The following HPD variants were observed in gnomAD, a reference collection of about 807,000 sequenced individuals.
HPD encodes 4-hydroxyphenylpyruvic acid oxidase.
In HPD, 35 loss-of-function variants were observed where a neutral mutation model predicts 56.9. The ratio of observed to expected loss-of-function variants is 0.62; its 90% CI spans 0.47 to 0.82. HPD has a LOEUF of 0.82. Ranked by LOEUF, HPD falls within the 40% of genes least tolerant of loss-of-function variation. The probability of loss-of-function intolerance (pLI) is 0.00; values close to 1 mark genes in which losing one functional copy is unlikely to be tolerated. For synonymous variants in HPD, 186 were observed against 200.2 expected (o/e 0.93, Z 0.60); for missense variants, 442 against 506.8 (o/e 0.87, Z 1.23).
At chr12:121,887,876 G>A in the HPD span, among the ~76,000 whole-genome samples, 1 of 152,166 alleles carries the variant, frequency 6.6e-6, no homozygotes, top group Non-Finnish European at 1.5e-5. Flanking sequence ...GGGCAAACAT[G>A]TTTGAATACT....
chr12:121,879,055 C>T, the HPD span, among the ~76,000 whole-genome samples: 11 of 151,364 alleles, frequency 7.3e-5, no homozygotes, highest in African/African-American at 1.7e-4. Flanking sequence ...GAGGCTGAGG[C>T]GGGTGTATCG....
upstream of HPD, among the ~76,000 whole-genome samples, chr12:121,860,755 C>T (rs563910348): frequency 6.6e-6 from 1 of 152,296 alleles, no homozygotes; most frequent in East Asian, 1.9e-4. Context: ...AAAGCATTCA[C>T]CTAGCTGGGC....
upstream of HPD, among the ~76,000 whole-genome samples, chr12:121,866,332 C>G (rs1878328103): frequency 6.7e-6 from 1 of 148,482 alleles, no homozygotes; most frequent in Non-Finnish European, 1.5e-5. Flanking sequence ...AATAAACTTT[C>G]TAGATGTTCT....
the HPD span, among the ~76,000 whole-genome samples, chr12:121,885,023 T>C: frequency 6.6e-6 from 1 of 152,070 alleles, no homozygotes; most frequent in Non-Finnish European, 1.5e-5. Flanking sequence ...CCCGAGTAGC[T>C]GGGATTACAG....
the HPD span, among the ~76,000 whole-genome samples, chr12:121,887,109 A>G: frequency 6.6e-6 from 1 of 152,168 alleles, no homozygotes; most frequent in Admixed American, 6.5e-5. Flanking sequence ...CATGTTGGCC[A>G]GGCTGGTCTT....
intron 4 of HPD, chr12:121,856,952 T>C (rs949288897): frequency 2.9e-5 from 15 of 510,154 alleles, no homozygotes; most frequent in Admixed American, 1.9e-4. Context: ...GGGTCAGTGT[T>C]GGGCCAGGCT....
intron 8 of HPD, 112 bp downstream of exon 8, chr12:121,849,575 A>C: frequency 1.3e-6 from 1 of 761,780 alleles, no homozygotes; most frequent in Non-Finnish European, 2.3e-6. Flanking sequence ...GGAATTCCCT[A>C]GCCGGCTCCA....
chr12:121,857,397 T>C lies in HPD; in HGVS notation c.129A>G (p.Glu43=). Reference sequence around the variant, plus strand: ...TCTCCAGGCCCCTGTAGGCTAGAGGTTCAAAGCCCATCTTGCTGCAGTAGA... The same window carrying C: ...TCTCCAGGCCCCTGTAGGCTAGAGGCTCAAAGCCCATCTTGCTGCAGTAGA... The part of the protein sequence containing the change: ...TSFYCSKMGF[E]PLAYRGLETG... Residue 43 remains glutamate, a synonymous_variant, in exon 4 of 14, where the codon GAA becomes GAG. Coordinates refer to ENST00000289004, the MANE Select transcript of HPD (RefSeq NM_002150.3). 1 of 1,613,862 alleles carries C rather than the reference T, an allele frequency of 6.2e-7. No homozygotes were observed. The highest frequency in any genetic ancestry group is 8.5e-7 in the Non-Finnish European group (1 of 1,179,862).
chr12:121,841,747 G>A (rs1433500488), intron 12 of HPD, among the ~76,000 whole-genome samples: 2 of 151,708 alleles, frequency 1.3e-5, no homozygotes, highest in East Asian at 3.9e-4. Flanking sequence ...GCAATGGCGC[G>A]ATCTCGGCTC....
intron 11 of HPD, among the ~76,000 whole-genome samples, chr12:121,845,793 G>A (rs1227001965): frequency 2.6e-5 from 4 of 152,006 alleles, no homozygotes; most frequent in African/African-American, 9.7e-5. Context: ...CTACCATCTA[G>A]CATTTATATT....
At chr12:121,845,471 G>C (rs1041633033) in intron 11 of HPD, among the ~76,000 whole-genome samples, 1 of 139,204 alleles carries the variant, frequency 7.2e-6, no homozygotes, top group Admixed American at 6.9e-5. Flanking sequence ...CGTGGTGGCG[G>C]GTGCCTGTAG....
At chr12:121,877,557 C>A in the HPD span, among the ~76,000 whole-genome samples, 1 of 151,898 alleles carries the variant, frequency 6.6e-6, no homozygotes. Context: ...CATGGTAAGA[C>A]CCCCATCTCT....
upstream of HPD, among the ~76,000 whole-genome samples, chr12:121,864,563 A>AT (rs1222046860): frequency 2.0e-5 from 3 of 146,560 alleles, no homozygotes; most frequent in African/African-American, 7.7e-5. Flanking sequence ...TTAAAAAAAA[A>AT]AAAAAAATGG....
intron 8 of HPD, 46 bp downstream of exon 8, chr12:121,849,641 A>C (rs1298183595): frequency 8.0e-7 from 1 of 1,246,736 alleles, no homozygotes; most frequent in Non-Finnish European, 1.2e-6. Context: ...TACTTTTCAC[A>C]GTCCCTCAGG....
At chr12:121,876,655 C>A in the HPD span, among the ~76,000 whole-genome samples, 2 of 152,120 alleles carry the variant, frequency 1.3e-5, no homozygotes, top group Non-Finnish European at 2.9e-5. Flanking sequence ...CATACGTCTC[C>A]CACCCTTCAG....
chr12:121,884,315 G>T, the HPD span, among the ~76,000 whole-genome samples: 1 of 151,714 alleles, frequency 6.6e-6, no homozygotes, highest in Non-Finnish European at 1.5e-5. Context: ...GGTGTGTGCC[G>T]CTGTGCCCGG....
At chr12:121,874,006 A>C in the HPD span, among the ~76,000 whole-genome samples, 4 of 152,008 alleles carry the variant, frequency 2.6e-5, no homozygotes, top group Non-Finnish European at 4.4e-5. Context: ...GCAAGAAAAA[A>C]ATCTTGCACC....
intron 9 of HPD, 72 bp from the exon 10 acceptor site, chr12:121,847,286 T>G: frequency 7.1e-7 from 1 of 1,410,854 alleles, no homozygotes; most frequent in Non-Finnish European, 1.0e-6. Context: ...CATTTCCACC[T>G]TCCAGAATCT....
At chr12:121,848,247 G>GT (rs1877650220) in intron 9 of HPD, among the ~76,000 whole-genome samples, 1 of 152,068 alleles carries the variant, frequency 6.6e-6, no homozygotes, top group African/African-American at 2.4e-5. Context: ...AAATGCATCA[G>GT]TGGCCTCAGG....
Sources: allele counts gnomAD v4.1 joint callset (sites outside exome capture counted in the v4.1 genomes callset), GRCh38; gene constraint gnomAD v4.1.1; transcripts MANE v1.5; gene names NCBI Gene and HGNC (gene_info 2026-07-23, HGNC 2026-07-21).